The following CCDC141 variants were observed in gnomAD, a reference collection of about 807,000 sequenced individuals.
CCDC141 encodes coiled-coil domain-containing protein 141.
In CCDC141, 168 loss-of-function variants were observed where a neutral mutation model predicts 181.0. That is an observed-to-expected ratio of 0.93 (90% CI 0.82 to 1.05). The LOEUF is 1.05. Ranked by LOEUF, CCDC141 falls within the 50% of genes least tolerant of loss-of-function variation. CCDC141 has a pLI of 0.00. For synonymous variants in CCDC141, 666 were observed against 642.3 expected, an observed-to-expected ratio of 1.04 and a Z score of -0.56; for missense variants, 1,902 against 1,788.5, an observed-to-expected ratio of 1.06 and a Z score of -1.14.
chr2:179,042,135 G>A (rs1206024524), intron 2 of CCDC141, among the ~76,000 whole-genome samples: 4 of 152,124 alleles, frequency 2.6e-5, no homozygotes, highest in Non-Finnish European at 5.9e-5. Flanking sequence ...TTGCCACATG[G>A]CGCTTACTTT....
At chr2:178,990,083 G>A (rs1279694605) in intron 2 of CCDC141, among the ~76,000 whole-genome samples, 1 of 149,502 alleles carries the variant, frequency 6.7e-6, no homozygotes, top group Non-Finnish European at 1.5e-5. Flanking sequence ...AGGTTATAGT[G>A]AGCTGAGATT....
intron 15 of CCDC141, 98 bp from the exon 16 acceptor site, chr2:178,868,303 A>G: frequency 2.0e-6 from 2 of 982,048 alleles, no homozygotes; most frequent in Non-Finnish European, 3.1e-6. Context: ...GCTGGTCGAA[A>G]TGCTGCCAAG....
Position 178,982,397 on chromosome 2 carries a change from G to A in CCDC141, c.226-3722C>T, listed in dbSNP as rs563899954. 8.1e-4 allele frequency among the ~76,000 whole-genome samples: 123 copies of A among 152,290 alleles called. 5 individuals carry two copies. Among genetic ancestry groups the A allele is most frequent in the Admixed American group, 7.7e-3 (118 of 15,298 alleles). On this transcript the variant is annotated intron_variant, in intron 2 of 23. Coordinates refer to ENST00000443758, the MANE Select transcript of CCDC141 (RefSeq NM_173648.4). ...ATACCTAGGAATACATTTAACCAAG[G>A]AGGTGAAAGACTTGTACATTGAAAA...
chr2:178,972,223 A>G (rs1384897437), intron 4 of CCDC141, among the ~76,000 whole-genome samples: 1 of 152,162 alleles, frequency 6.6e-6, no homozygotes, highest in Non-Finnish European at 1.5e-5. Context: ...TGGAGGGTGC[A>G]GTTGTCATTC....
intron 11 of CCDC141, among the ~76,000 whole-genome samples, chr2:178,884,252 A>AAC (rs1489890091): frequency 6.6e-6 from 1 of 151,536 alleles, no homozygotes; most frequent in East Asian, 1.9e-4. Flanking sequence ...AAAAAAAAAA[A>AAC]AAACCAGAAT....
intron 1 of CCDC141, among the ~76,000 whole-genome samples, chr2:179,049,589 CTT>C (rs199994228): frequency 7.8e-4 from 106 of 135,426 alleles, no homozygotes; most frequent in Non-Finnish European, 9.4e-4. Flanking sequence ...TCTTTCTTTT[CTT>C]TTTTTTTTTT....
In CCDC141 at chr2:178,885,103, A is replaced by G. The variant is rs1416675767; in HGVS notation, c.1528-11T>C. 8 of 1,540,652 alleles carry G rather than the reference A, an allele frequency of 5.2e-6. No individual in the cohort carries two copies. The Admixed American group carries it at 1.4e-4, about 27-fold the overall frequency. Reference sequence around the variant, plus strand: ...TTCATGTGATGTCTCCTGTAAAAGCAAAGCACTGGAGGTCAGAAACTGACA... The same window carrying G: ...TTCATGTGATGTCTCCTGTAAAAGCGAAGCACTGGAGGTCAGAAACTGACA... On this transcript the variant is annotated splice_polypyrimidine_tract_variant and intron_variant, in intron 10 of 23. Coordinates refer to ENST00000443758, the MANE Select transcript of CCDC141 (RefSeq NM_173648.4).
chr2:178,930,804 C>G (rs369262950), intron 6 of CCDC141, among the ~76,000 whole-genome samples: 1 of 152,038 alleles, frequency 6.6e-6, no homozygotes, highest in Non-Finnish European at 1.5e-5. Flanking sequence ...CAAAATTTAA[C>G]TCAAAATGGA....
intron 2 of CCDC141, among the ~76,000 whole-genome samples, chr2:178,982,570 G>A (rs1235369084): frequency 6.6e-6 from 1 of 152,208 alleles, no homozygotes; most frequent in Non-Finnish European, 1.5e-5. Flanking sequence ...CATCTCACTA[G>A]GGAGTGCCAG....
intron 2 of CCDC141, among the ~76,000 whole-genome samples, chr2:179,019,123 C>T (rs932746742): frequency 1.3e-5 from 2 of 152,058 alleles, no homozygotes; most frequent in Admixed American, 6.6e-5. Flanking sequence ...GTCCACTGAG[C>T]CAATGTTCCA....
At chr2:178,866,209 G>C (rs888689482) in intron 16 of CCDC141, among the ~76,000 whole-genome samples, 7 of 152,066 alleles carry the variant, frequency 4.6e-5, no homozygotes, top group Non-Finnish European at 5.9e-5. Flanking sequence ...TACTTCAAAA[G>C]GCATAAAATA....
At chr2:178,904,093 C>T (rs950003058) in intron 8 of CCDC141, among the ~76,000 whole-genome samples, 4 of 152,102 alleles carry the variant, frequency 2.6e-5, no homozygotes, top group Non-Finnish European at 5.9e-5. Flanking sequence ...TTCCTGTATC[C>T]ATATTTTGTT....
Position 178,871,503 on chromosome 2 carries a change from G to A in CCDC141, c.2129C>T (p.Ala710Val), listed in dbSNP as rs202186722. 2.9e-4 allele frequency: 475 copies of A among 1,613,912 alleles called. 2 individuals are homozygous for A. Among genetic ancestry groups the A allele is most frequent in the South Asian group, 1.4e-3 (129 of 91,060 alleles). Residue 710 changes from alanine to valine, a missense_variant, in exon 14 of 24, where the codon GCA (alanine) becomes GTA (valine). Coordinates refer to ENST00000443758, the MANE Select transcript of CCDC141 (RefSeq NM_173648.4). ...CTGGAGGCTCCCTCCGAGGTCAAGT[G>A]CAGACACAGGCATAAGTGCTTCCTG... ...LLQEALMPVSALDLGGSLQFI... is the reference protein window; with the variant it reads ...LLQEALMPVSVLDLGGSLQFI...
At chr2:178,945,084 CTA>C (rs1350851854) in intron 5 of CCDC141, among the ~76,000 whole-genome samples, 19 of 152,186 alleles carry the variant, frequency 1.2e-4, no homozygotes, top group African/African-American at 4.6e-4. Flanking sequence ...ATAAAATAGA[CTA>C]TGCAGAAATA....
chr2:178,920,409 A>G (rs1390748745), intron 6 of CCDC141, among the ~76,000 whole-genome samples: 2 of 152,168 alleles, frequency 1.3e-5, no homozygotes, highest in Non-Finnish European at 2.9e-5. Context: ...GCTAAGACAG[A>G]TGCCTTGGGG....
chr2:178,872,458 G>A (rs1575154864), intron 12 of CCDC141, 146 bp from the exon 13 acceptor site: 2 of 689,850 alleles, frequency 2.9e-6, no homozygotes, highest in Non-Finnish European at 4.7e-6. Context: ...AAATCCCTGC[G>A]CAGAGGCACA....
At chr2:178,824,652 T>C in the CCDC141 span, among the ~76,000 whole-genome samples, 1 of 140,288 alleles carries the variant, frequency 7.1e-6, no homozygotes, top group Non-Finnish European at 1.5e-5. Context: ...AAAAGTCAGC[T>C]GCAACTGAGG....
In CCDC141 at chr2:178,922,301, G is replaced by A. The variant is rs113220996; in HGVS notation, c.898-3394C>T. Among the ~76,000 whole-genome samples, 234 of 152,246 alleles carry A rather than the reference G, an allele frequency of 1.5e-3. 2 individuals carry two copies. The highest frequency in any genetic ancestry group is 5.1e-3 in the African/African-American group (211 of 41,528). On this transcript the variant is annotated intron_variant, in intron 6 of 23. Transcript: ENST00000443758. ...TACAGATGGAGTAACTGGGGCCAAGGGAGATTACCAACTTGCCCAAGATGT... is the reference window on the plus strand; with the variant it reads ...TACAGATGGAGTAACTGGGGCCAAGAGAGATTACCAACTTGCCCAAGATGT...
At chr2:178,932,849 A>C (rs924051144) in intron 6 of CCDC141, among the ~76,000 whole-genome samples, 1 of 152,310 alleles carries the variant, frequency 6.6e-6, no homozygotes, top group South Asian at 2.1e-4. Context: ...GATGACAATT[A>C]TGCATTTAAA....
Sources: gnomAD v4.1 joint callset for allele counts (sites outside exome capture counted in the v4.1 genomes callset) on GRCh38, gnomAD v4.1.1 for gene constraint, MANE v1.5 for transcripts, NCBI Gene and HGNC (gene_info 2026-07-23, HGNC 2026-07-21) for gene names.